The following APBA2 variants were observed in gnomAD, a reference collection of about 807,000 sequenced individuals.
APBA2 encodes amyloid beta precursor protein binding family A member 2.
In APBA2, 30 loss-of-function variants were observed where a neutral mutation model predicts 75.0. That is an observed-to-expected ratio of 0.40 (90% confidence interval 0.30 to 0.54). The LOEUF (loss-of-function observed/expected upper bound fraction) is 0.54. Among genes scored for constraint, APBA2 ranks in the 20% least tolerant of loss-of-function variants. The probability of loss-of-function intolerance (pLI) is 0.49; values close to 1 mark genes in which losing one functional copy is unlikely to be tolerated. For synonymous variants in APBA2, 444 were observed against 409.6 expected (o/e 1.08, Z -1.01); for missense variants, 801 against 1,016.1 (o/e 0.79, Z 2.88).
intron 4 of APBA2, among the ~76,000 whole-genome samples, chr15:29,068,900 G>A (rs1395705179): frequency 1.2e-4 from 19 of 152,186 alleles, no homozygotes; most frequent in Admixed American, 1.2e-3. Context: ...CCATTTTAAA[G>A]TGTACAATTC....
intron 4 of APBA2, chr15:29,071,246 T>C: frequency 2.7e-6 from 1 of 364,292 alleles, no homozygotes; most frequent in Non-Finnish European, 5.4e-6. Flanking sequence ...AGGTGTTTAT[T>C]AGAAAGATTT....
chr15:28,909,582 T>C (rs2033331543), intron 1 of APBA2, among the ~76,000 whole-genome samples: 1 of 152,142 alleles, frequency 6.6e-6, no homozygotes, highest in Non-Finnish European at 1.5e-5. Context: ...CTTGGTCGCC[T>C]CTGTGAGGGT....
chr15:28,969,136 C>CTTTCTTTCTT (rs2036905457), intron 2 of APBA2, among the ~76,000 whole-genome samples: 1 of 62,350 alleles, frequency 1.6e-5, no homozygotes, highest in Non-Finnish European at 2.4e-5. Context: ...CTTTTTCTTT[C>CTTTCTTTCTT]TTTCTTTCTT....
Position 29,054,217 on chromosome 15 carries a change from A to G in APBA2, c.333A>G (p.Leu111=), listed in dbSNP as rs1216029780. The part of the protein sequence containing the change: ...IRYCPEDDSY[L]EGMDCNGEEY... ...ACTGCCCTGAGGACGACAGCTACCTAGAGGGCATGGACTGCAACGGGGAGG... is the reference window on the plus strand; with the variant it reads ...ACTGCCCTGAGGACGACAGCTACCTGGAGGGCATGGACTGCAACGGGGAGG... Residue 111 remains leucine, a synonymous_variant, in exon 4 of 15, where the codon CTA becomes CTG. Coordinates refer to ENST00000683413, the MANE Select transcript of APBA2 (RefSeq NM_001353788.2). The surrounding 1 kb of genome is among the most constrained non-coding windows in gnomAD (Gnocchi z 6.1). 1 of 1,614,150 alleles carries G rather than the reference A, an allele frequency of 6.2e-7. No individual in the cohort carries two copies. Among genetic ancestry groups the G allele is most frequent in the Admixed American group, 1.7e-5 (1 of 60,028 alleles).
In APBA2 at chr15:29,034,797, A is replaced by G. The variant is rs148653850; in HGVS notation, c.-40-19048A>G. On this transcript the variant is annotated intron_variant, in intron 3 of 14. Coordinates refer to ENST00000683413, the MANE Select transcript of APBA2 (RefSeq NM_001353788.2). The stretch of plus-strand genomic sequence containing the variant: ...TTCAGGGTCCTGCCCCTGAGTTTTC[A>G]TTGGTCTGGGGGAGGGCCCAAGAGT... Among the ~76,000 whole-genome samples the G allele has an allele frequency of 2.2e-3, 335 of 152,214 alleles. 2 individuals are homozygous for G. The highest frequency in any genetic ancestry group is 7.7e-3 in the African/African-American group (320 of 41,530).
chr15:29,090,859 C>G (rs906057990), intron 6 of APBA2, among the ~76,000 whole-genome samples: 1 of 152,122 alleles, frequency 6.6e-6, no homozygotes. Context: ...TTCCCAGCCC[C>G]ACAGCCAGAT....
chr15:28,949,846 C>T (rs895457127), intron 2 of APBA2, among the ~76,000 whole-genome samples: 2 of 152,194 alleles, frequency 1.3e-5, no homozygotes, highest in African/African-American at 4.8e-5. Flanking sequence ...GCAGAGAATT[C>T]CCATGCTTGC....
chr15:29,007,885 C>T (rs937227451), intron 3 of APBA2, among the ~76,000 whole-genome samples: 4 of 151,926 alleles, frequency 2.6e-5, no homozygotes, highest in Non-Finnish European at 4.4e-5. Flanking sequence ...GGGCATATGC[C>T]CAAGGGAAGT....
chr15:28,988,468 T>C (rs904264350), intron 2 of APBA2, among the ~76,000 whole-genome samples: 9 of 152,188 alleles, frequency 5.9e-5, no homozygotes, highest in Non-Finnish European at 1.3e-4. Flanking sequence ...TTCGCCATGT[T>C]GGCCAGGCTG....
At chr15:28,989,042 T>C (rs1182073842) in intron 2 of APBA2, among the ~76,000 whole-genome samples, 3 of 152,232 alleles carry the variant, frequency 2.0e-5, no homozygotes, top group African/African-American at 7.2e-5. Context: ...TGCGTGCCAG[T>C]GAGGCTAACA....
chr15:28,991,026 C>T lies in APBA2; in HGVS notation c.-94-4727C>T, dbSNP rs1169360285. Among the ~76,000 whole-genome samples, 1 of 152,072 alleles carries T rather than the reference C, an allele frequency of 6.6e-6. No homozygotes were observed. Among genetic ancestry groups the T allele is most frequent in the Non-Finnish European group, 1.5e-5 (1 of 68,018 alleles). ...CTATTCTAAAGGCTCAGCTTCTTGCCCAGGAGAAAAATAATACATGCTCGT... is the reference window on the plus strand; with the variant it reads ...CTATTCTAAAGGCTCAGCTTCTTGCTCAGGAGAAAAATAATACATGCTCGT... On this transcript the variant is annotated intron_variant, in intron 2 of 14. Transcript: ENST00000683413. This position sits in a 1 kb window ranked among gnomAD's most constrained non-coding sequence, Gnocchi z 4.7.
At chr15:28,929,233 A>G (rs1248033527) in intron 2 of APBA2, among the ~76,000 whole-genome samples, 5 of 152,274 alleles carry the variant, frequency 3.3e-5, no homozygotes, top group South Asian at 2.1e-4. Flanking sequence ...GCTCCAGGGA[A>G]CTGGAGTGTC....
Position 29,024,805 on chromosome 15 carries a change from A to C in APBA2, c.-41+28999A>C, listed in dbSNP as rs78022140. ...GCCTGACATGTTTATTCTGAGACCC[A>C]AACTAGAGGGTAGGGGCTGCATGGG... On this transcript the variant is annotated intron_variant, in intron 3 of 14. Transcript: ENST00000683413. 7.2e-3 allele frequency among the ~76,000 whole-genome samples: 1,090 copies of C among 152,264 alleles called. 11 individuals are homozygous for C. Among genetic ancestry groups the C allele is most frequent in the African/African-American group, 0.024 (1,013 of 41,546 alleles).
At chr15:28,932,395 C>T (rs2034610370) in intron 2 of APBA2, among the ~76,000 whole-genome samples, 1 of 152,142 alleles carries the variant, frequency 6.6e-6, no homozygotes, top group Admixed American at 6.5e-5. Flanking sequence ...AGCACAGCCC[C>T]ATGGTGTTTA....
intron 2 of APBA2, among the ~76,000 whole-genome samples, chr15:28,955,058 A>G (rs1451890649): frequency 1.3e-5 from 2 of 152,032 alleles, no homozygotes; most frequent in East Asian, 3.9e-4. Context: ...GGCCTTTCCG[A>G]CGCTGTGCGC....
intron 6 of APBA2, among the ~76,000 whole-genome samples, chr15:29,092,431 T>A (rs991242112): frequency 6.6e-6 from 1 of 152,202 alleles, no homozygotes; most frequent in Admixed American, 6.5e-5. Flanking sequence ...GGAGCCTCAG[T>A]GCCAGTGCTC....
intron 2 of APBA2, among the ~76,000 whole-genome samples, chr15:28,966,787 A>G (rs1472332303): frequency 6.6e-6 from 1 of 151,944 alleles, no homozygotes; most frequent in East Asian, 1.9e-4. Flanking sequence ...CATTTTTTAG[A>G]GTCCCACATT....
intron 3 of APBA2, among the ~76,000 whole-genome samples, chr15:29,040,347 G>A (rs1255744217): frequency 6.6e-6 from 1 of 152,174 alleles, no homozygotes; most frequent in Non-Finnish European, 1.5e-5. Flanking sequence ...AACTTTATGG[G>A]CAGAGGAACC....
chr15:28,935,813 G>T (rs1341372875), intron 2 of APBA2, among the ~76,000 whole-genome samples: 1 of 152,176 alleles, frequency 6.6e-6, no homozygotes, highest in South Asian at 2.1e-4. Flanking sequence ...AGAAGAAAAG[G>T]CCTAATTTCT....
Sources: allele counts gnomAD v4.1 joint callset (sites outside exome capture counted in the v4.1 genomes callset), GRCh38; gene constraint gnomAD v4.1.1; non-coding constraint Gnocchi (gnomAD v3.1); transcripts MANE v1.5; gene names NCBI Gene and HGNC (gene_info 2026-07-23, HGNC 2026-07-21).